PDXK: variants seen among roughly 807,000 people sequenced by gnomAD.
The protein encoded by PDXK is pyridoxal kinase.
Under a neutral mutation model 43.2 loss-of-function variants are expected in PDXK, and 15 were observed. The ratio of observed to expected loss-of-function variants is 0.35; its 90% CI spans 0.23 to 0.53. The LOEUF (loss-of-function observed/expected upper bound fraction) is 0.53. Ranked by LOEUF, PDXK falls within the 20% of genes least tolerant of loss-of-function variation. The pLI, the probability that PDXK is intolerant of heterozygous loss-of-function variation, is 0.92. For missense variants in PDXK, 343 were observed against 417.0 expected, an observed-to-expected ratio of 0.82 and a Z score of 1.54; for synonymous variants, 172 against 165.4, an observed-to-expected ratio of 1.04 and a Z score of -0.31.
At chr21:43,724,840 C>CA (rs553153040) in intron 1 of PDXK, among the ~76,000 whole-genome samples, 5,580 of 111,200 alleles carry the variant, frequency 0.05, 270 homozygotes, top group African/African-American at 0.16. Context: ...GACCCTGTCT[C>CA]AAAAAAAAAA....
chr21:43,752,606 T>C lies in PDXK; in HGVS notation c.599T>C (p.Ile200Thr). The change falls in exon 8 of 11, where the codon ATT becomes ACT. Residue 200 changes from isoleucine (I) to threonine (T), a missense_variant. Physicochemically the swap from Ile to Thr is moderately conservative, Grantham distance 89. Transcript: ENST00000291565. ...LPSPQGSNYL[I>T]VLGSQRRRNP... The stretch of plus-strand genomic sequence containing the variant: ...TCCCCGCAGGGCAGCAACTACCTGA[T>C]TGTGCTGGGGAGTCAGAGGAGGAGT... The C allele has an allele frequency of 1.2e-6, 2 of 1,611,748 alleles. No individual in the cohort carries two copies. The highest frequency in any genetic ancestry group is 8.5e-7 in the Non-Finnish European group (1 of 1,178,396).
At chr21:43,755,833 GC>G in intron 10 of PDXK, 69 bp downstream of exon 10, 1 of 1,495,462 alleles carries the variant, frequency 6.7e-7, no homozygotes, top group Non-Finnish European at 9.3e-7. Flanking sequence ...AGAAGAGCTG[GC>G]ACGTGCTGGT....
rs1370913765 is a variant in PDXK at position 43,729,109 on chromosome 21, C to A, written c.88-4960C>A. The A allele has an allele frequency of 3.8e-6, 3 of 794,550 alleles. No individual in the cohort carries two copies. The African/African-American group carries it at 5.6e-5, about 15-fold the overall frequency. 49.2% of individuals were successfully genotyped at this position (794,550 alleles called of 1,614,324 possible). On this transcript the variant is annotated intron_variant, in intron 1 of 10. Transcript: ENST00000291565. ...CAATCCTGCCCCCTGGCTGCGGCCT[C>A]CGCGGCTCTTCCCACCCCGGCTCCG...
intron 5 of PDXK, chr21:43,746,980 A>G (rs138872228): frequency 6.6e-6 from 1 of 152,338 alleles, no homozygotes; most frequent in East Asian, 1.9e-4. Context: ...TAATCAAAAT[A>G]CAAGACAATG....
intron 1 of PDXK, among the ~76,000 whole-genome samples, chr21:43,726,118 T>C (rs1380570221): frequency 1.3e-5 from 2 of 152,190 alleles, no homozygotes; most frequent in African/African-American, 4.8e-5. Context: ...ATTTCTTCTT[T>C]TTCTTTCATC....
At chr21:43,730,631 C>T (rs1414746141) in intron 1 of PDXK, among the ~76,000 whole-genome samples, 1 of 152,040 alleles carries the variant, frequency 6.6e-6, no homozygotes, top group Non-Finnish European at 1.5e-5. Context: ...AGTGGTGAGG[C>T]TACAATATAT....
Position 43,749,037 on chromosome 21 carries a change from G to A in PDXK, c.421G>A (p.Val141Met). ...CCTTCCCGTCTACAAAGAAAAAGTG[G>A]TGCCGCTTGCAGACATTATCACGCC... ...DLLPVYKEKV[V>M]PLADIITPNQ... is the part of the protein sequence containing the mutation. The change falls in exon 6 of 11, where the codon GTG (valine) becomes ATG (methionine). Residue 141 changes from valine to methionine, a missense_variant. Coordinates refer to ENST00000291565, the MANE Select transcript of PDXK (RefSeq NM_003681.5). 1 of 1,613,022 alleles carries A rather than the reference G, an allele frequency of 6.2e-7. No individual in the cohort carries two copies. The highest frequency in any genetic ancestry group is 2.2e-5 in the East Asian group (1 of 44,874).
At chr21:43,745,591 TG>T (rs2083625417) in intron 4 of PDXK, 1 of 164,542 alleles carries the variant, frequency 6.1e-6, no homozygotes, top group South Asian at 1.6e-4. Context: ...GCTCCTGAAT[TG>T]TACGCTTAAA....
At chr21:43,752,162 G>A (rs998807890) in intron 7 of PDXK, among the ~76,000 whole-genome samples, 11 of 152,184 alleles carry the variant, frequency 7.2e-5, no homozygotes, top group African/African-American at 2.4e-4. Flanking sequence ...GCAACCGTGC[G>A]GTGGAGACAG....
chr21:43,744,867 T>G (rs531576040), intron 4 of PDXK, among the ~76,000 whole-genome samples: 2 of 152,340 alleles, frequency 1.3e-5, no homozygotes, highest in South Asian at 2.1e-4. Context: ...AGGCTGTGTC[T>G]GTTGATGGGT....
In PDXK at chr21:43,756,397, C is replaced by T. The variant is rs991774345; in HGVS notation, c.*334C>T. ...GCCGAGCCTGCTGCGTGTGGAGCCT[C>T]GAGTGGGCCCTGGCTGCCACTACCG... On this transcript the variant is annotated 3_prime_UTR_variant, in exon 11 of 11. Coordinates refer to ENST00000291565, the MANE Select transcript of PDXK (RefSeq NM_003681.5). 4.0e-6 allele frequency: 1 copy of T among 253,142 alleles called. No homozygotes were observed. The highest frequency in any genetic ancestry group is 4.4e-5 in the South Asian group (1 of 22,840). 15.7% of individuals were successfully genotyped at this position (253,142 alleles called of 1,614,324 possible). A position where few individuals can be genotyped will look rare whatever the true frequency, so the allele number is the denominator to read the frequency against.
At chr21:43,755,868 C>T in intron 10 of PDXK, 83 bp from the exon 11 acceptor site, 3 of 1,434,144 alleles carry the variant, frequency 2.1e-6, no homozygotes, top group Non-Finnish European at 2.9e-6. Context: ...TCGGTGTCTC[C>T]TGCTGACCTC....
In PDXK at chr21:43,735,546, C is replaced by A. The variant is rs899280996; in HGVS notation, c.142+1423C>A. 6.6e-6 allele frequency among the ~76,000 whole-genome samples: 1 copy of A among 152,168 alleles called. No individual in the cohort carries two copies. The highest frequency in any genetic ancestry group is 1.5e-5 in the Non-Finnish European group (1 of 68,010). On this transcript the variant is annotated intron_variant, in intron 2 of 10. Transcript: ENST00000291565. The surrounding 1 kb of genome is among the most constrained non-coding windows in gnomAD (Gnocchi z 5.3). ...ACTGGGATGAGGACAGGACCCCAGGCGCTTGGGAGCCTCCACAGTTGCAGA... is the reference window on the plus strand; with the variant it reads ...ACTGGGATGAGGACAGGACCCCAGGAGCTTGGGAGCCTCCACAGTTGCAGA...
chr21:43,726,270 CTTT>C (rs1182376121), intron 1 of PDXK, among the ~76,000 whole-genome samples: 1 of 116,810 alleles, frequency 8.6e-6, no homozygotes, highest in Non-Finnish European at 1.7e-5. Flanking sequence ...TTTTCTTTTT[CTTT>C]TTTTTTTTTT....
At chr21:43,740,839 G>C (rs1238136135) in intron 2 of PDXK, among the ~76,000 whole-genome samples, 1 of 151,466 alleles carries the variant, frequency 6.6e-6, no homozygotes, top group Admixed American at 6.6e-5. Flanking sequence ...TAAGCTTGTT[G>C]GGGAGGAGTT....
intron 1 of PDXK, among the ~76,000 whole-genome samples, chr21:43,733,136 A>T (rs1249425945): frequency 6.6e-6 from 1 of 152,206 alleles, no homozygotes; most frequent in Non-Finnish European, 1.5e-5. Flanking sequence ...ACCGGCTTCA[A>T]AGAAAAGCCT....
At chr21:43,724,695 A>AT (rs1472332229) in intron 1 of PDXK, among the ~76,000 whole-genome samples, 1 of 150,030 alleles carries the variant, frequency 6.7e-6, no homozygotes, top group Non-Finnish European at 1.5e-5. Context: ...AAAAAAAAAA[A>AT]GCTGGCTATG....
At chr21:43,738,221 T>G in intron 2 of PDXK, 1 of 168,206 alleles carries the variant, frequency 5.9e-6, no homozygotes, top group South Asian at 2.0e-4. Context: ...CTGCTTGGTG[T>G]CCTTGTAAGA....
At position 43,735,222 on chromosome 21, in the gene PDXK, A is replaced by G. The variant is rs954519550; in HGVS notation, c.142+1099A>G. ...CCTCCAGGAGCCTCCCTGAACCCAC[A>G]TGTCCTTCCTGGCTGCTCTCGCCAT... On this transcript the variant is annotated intron_variant, in intron 2 of 10. Transcript: ENST00000291565. This position sits in a 1 kb window ranked among gnomAD's most constrained non-coding sequence, Gnocchi z 5.3. Among the ~76,000 whole-genome samples the G allele has an allele frequency of 2.0e-5, 3 of 152,154 alleles. No individual in the cohort carries two copies. Among genetic ancestry groups the G allele is most frequent in the South Asian group, 2.1e-4 (1 of 4,834 alleles).
Sources: allele counts gnomAD v4.1 joint callset (sites outside exome capture counted in the v4.1 genomes callset), GRCh38; gene constraint gnomAD v4.1.1; non-coding constraint Gnocchi (gnomAD v3.1); transcripts MANE v1.5; gene names NCBI Gene and HGNC (gene_info 2026-07-23, HGNC 2026-07-21).